The following CD59 variants were observed in gnomAD, a reference collection of about 807,000 sequenced individuals.
The protein encoded by CD59 is CD59 glycoprotein.
CD59 carries 3 observed loss-of-function variants against 7.0 expected under a neutral mutation model. That is an observed-to-expected ratio of 0.43 (90% CI 0.19 to 1.10). CD59 has a LOEUF of 1.10. Among genes scored for constraint, CD59 ranks in the 50% least tolerant of loss-of-function variants. The pLI, the probability that CD59 is intolerant of heterozygous loss-of-function variation, is 0.29. For synonymous variants in CD59, 60 were observed against 62.0 expected (o/e 0.97, Z 0.15); for missense variants, 143 against 151.0 (o/e 0.95, Z 0.28).
At chr11:33,729,797 T>A (rs1171749471) in intron 1 of CD59, among the ~76,000 whole-genome samples, 2 of 152,070 alleles carry the variant, frequency 1.3e-5, no homozygotes, top group South Asian at 2.1e-4. Context: ...TGAGTCTATT[T>A]CCACTATTTT....
intron 2 of CD59, chr11:33,717,784 C>T (rs937043876): frequency 2.5e-5 from 9 of 357,616 alleles, no homozygotes; most frequent in East Asian, 6.9e-5. Flanking sequence ...AAGAAATTAC[C>T]GAGAAACAAA....
intron 1 of CD59, among the ~76,000 whole-genome samples, chr11:33,732,976 G>A (rs1256753386): frequency 5.9e-5 from 9 of 152,154 alleles, no homozygotes; most frequent in Admixed American, 5.9e-4. Context: ...ACTCATGACC[G>A]ACAACAGAAA....
At chr11:33,728,984 T>C (rs1381490191) in intron 1 of CD59, among the ~76,000 whole-genome samples, 1 of 152,200 alleles carries the variant, frequency 6.6e-6, no homozygotes, top group Non-Finnish European at 1.5e-5. Context: ...TCACACCAGT[T>C]AGAATGGCGA....
rs868531847 is a variant in CD59 at position 33,722,623 on chromosome 11, C to T, written c.-18-160G>A. On this transcript the variant is annotated intron_variant, in intron 1 of 3. Transcript: ENST00000642928. ...TGGGCCATGCCCCAGCTCTGACCCA[C>T]AGCACCATATACCCTTGAGTAGGCT... The T allele has an allele frequency of 1.4e-5, 21 of 1,498,596 alleles. No individual in the cohort carries two copies. The Middle Eastern group carries it at 2.9e-3, about 206-fold the overall frequency. 92.8% of individuals were successfully genotyped at this position (1,498,596 alleles called of 1,614,324 possible).
intron 1 of CD59, among the ~76,000 whole-genome samples, chr11:33,729,962 A>T (rs1303962060): frequency 6.6e-6 from 1 of 152,144 alleles, no homozygotes; most frequent in South Asian, 2.1e-4. Context: ...CTGAAAATAT[A>T]TTGGAAAATA....
intron 1 of CD59, among the ~76,000 whole-genome samples, chr11:33,725,068 A>G (rs1022128034): frequency 6.6e-6 from 1 of 152,146 alleles, no homozygotes; most frequent in Admixed American, 6.5e-5. Flanking sequence ...GATGGTAACT[A>G]ACACTAAGCA....
chr11:33,712,599 A>G (rs184382526), intron 3 of CD59, among the ~76,000 whole-genome samples: 2 of 152,368 alleles, frequency 1.3e-5, no homozygotes, highest in East Asian at 3.8e-4. Flanking sequence ...ATGAAGACAG[A>G]AAGTACATCA....
intron 3 of CD59, among the ~76,000 whole-genome samples, chr11:33,716,350 G>T (rs1007165411): frequency 6.6e-6 from 1 of 152,136 alleles, no homozygotes. Flanking sequence ...GGTGTCCCAA[G>T]GCTTTTCTGA....
chr11:33,716,428 G>C (rs1853793818), intron 3 of CD59, among the ~76,000 whole-genome samples: 1 of 152,142 alleles, frequency 6.6e-6, no homozygotes, highest in African/African-American at 2.4e-5. Context: ...AGGTCTAAGA[G>C]TACAAATAAC....
At chr11:33,717,110 C>G (rs1413973313) in intron 3 of CD59, among the ~76,000 whole-genome samples, 1 of 152,212 alleles carries the variant, frequency 6.6e-6, no homozygotes. Flanking sequence ...ATTCCTGAGT[C>G]GGTTACTTAA....
In CD59 at chr11:33,717,330, A is replaced by AC. The variant is rs767586369; in HGVS notation, c.169+39dup. 3.8e-6 allele frequency: 5 copies of AC among 1,313,538 alleles called. No individual in the cohort carries two copies. In the African/African-American group the frequency reaches 7.3e-5, roughly 19 times the overall value. The allele number at this position is 1,313,538 out of a possible 1,614,324, so 81.4% of individuals were successfully genotyped here. A position where few individuals can be genotyped will look rare whatever the true frequency, so the allele number is the denominator to read the frequency against. Reference sequence around the variant, plus strand: ...ACAATTTTTTTCCCAGGCACTTATTACCCCATTACATTTAGGAGACAGACA... The same window carrying AC: ...ACAATTTTTTTCCCAGGCACTTATTACCCCCATTACATTTAGGAGACAGACA... On this transcript the variant is annotated intron_variant, in intron 3 of 3. Transcript: ENST00000642928.
intron 3 of CD59, among the ~76,000 whole-genome samples, chr11:33,711,056 G>T (rs936268472): frequency 6.7e-6 from 1 of 150,328 alleles, no homozygotes; most frequent in Non-Finnish European, 1.5e-5. Flanking sequence ...TAAAGGTGGG[G>T]GGGGGGCAGA....
intron 1 of CD59, among the ~76,000 whole-genome samples, chr11:33,726,983 G>A (rs529895976): frequency 1.3e-5 from 2 of 152,264 alleles, no homozygotes; most frequent in Admixed American, 6.5e-5. Context: ...GGAAGAAGTC[G>A]AATCTCTGAA....
rs1853327536 is a variant in CD59 at position 33,706,775 on chromosome 11, A to G, written c.*3351T>C. On this transcript the variant is annotated 3_prime_UTR_variant, in exon 4 of 4. Transcript: ENST00000642928. Reference sequence around the variant, plus strand: ...AACTACGTCCTGTTCACCTCATGCTATTGGGTAACTTTCCAGTAAAAAACA... The same window carrying G: ...AACTACGTCCTGTTCACCTCATGCTGTTGGGTAACTTTCCAGTAAAAAACA... The G allele has an allele frequency of 6.6e-6, 1 of 152,204 alleles. No individual in the cohort carries two copies. The highest frequency in any genetic ancestry group is 1.5e-5 in the Non-Finnish European group (1 of 68,032). 9.4% of individuals were successfully genotyped at this position (152,204 alleles called of 1,614,324 possible).
At chr11:33,727,939 A>C (rs1206510797) in intron 1 of CD59, among the ~76,000 whole-genome samples, 1 of 152,188 alleles carries the variant, frequency 6.6e-6, no homozygotes, top group Non-Finnish European at 1.5e-5. Flanking sequence ...AAAAGAATAA[A>C]ATACCTAGGA....
In CD59 at chr11:33,703,710, G is replaced by A. The variant is rs949698780; in HGVS notation, c.*6416C>T. On this transcript the variant is annotated 3_prime_UTR_variant, in exon 4 of 4. Coordinates refer to ENST00000642928, the MANE Select transcript of CD59 (RefSeq NM_000611.6). ...CAGGCAGAGAGCCTTTACTGTCATA[G>A]TGAAGAGCTTGCCAAGGACAGGACT... 1.3e-5 allele frequency: 2 copies of A among 152,172 alleles called. No individual in the cohort carries two copies. The highest frequency in any genetic ancestry group is 2.9e-5 in the Non-Finnish European group (2 of 68,044). The allele number at this position is 152,172 out of a possible 1,614,324, so 9.4% of individuals were successfully genotyped here.
At position 33,703,302 on chromosome 11, in the gene CD59, G is replaced by C. The variant is rs1029635562; in HGVS notation, c.*6824C>G. ...CTGTCAGGAGGCAAAGTCCCTATGA[G>C]GTAATAATAAACCCACGAGGTTAAG... is the stretch of plus-strand genomic sequence containing the variant. On this transcript the variant is annotated 3_prime_UTR_variant, in exon 4 of 4. Transcript: ENST00000642928. 1 of 152,298 alleles carries C rather than the reference G, an allele frequency of 6.6e-6. No individual in the cohort carries two copies. Among genetic ancestry groups the C allele is most frequent in the African/African-American group, 2.4e-5 (1 of 41,550 alleles). The allele number at this position is 152,298 out of a possible 1,614,324, so 9.4% of individuals were successfully genotyped here.
rs1321365372 is a variant in CD59, at chr11:33,707,501, C to T, written c.*2625G>A. On this transcript the variant is annotated 3_prime_UTR_variant, in exon 4 of 4. Transcript: ENST00000642928. Reference sequence around the variant, plus strand: ...TACTCATCAGGTGTTCCTTGCACCCCTAGCTCATCCCCCCAAGGGGACAAT... The same window carrying T: ...TACTCATCAGGTGTTCCTTGCACCCTTAGCTCATCCCCCCAAGGGGACAAT... The T allele has an allele frequency of 6.6e-6, 1 of 152,288 alleles. No homozygotes were observed. The highest frequency in any genetic ancestry group is 2.4e-5 in the African/African-American group (1 of 41,474). 9.4% of individuals were successfully genotyped at this position (152,288 alleles called of 1,614,324 possible). A position where few individuals can be genotyped will look rare whatever the true frequency, so the allele number is the denominator to read the frequency against.
rs186551667 is a variant in CD59, at chr11:33,703,598, G to C, written c.*6528C>G. On this transcript the variant is annotated 3_prime_UTR_variant, in exon 4 of 4. Coordinates refer to ENST00000642928, the MANE Select transcript of CD59 (RefSeq NM_000611.6). ...AGTTGAAAGATGTAGCTGTCGGCCT[G>C]GTAGCCAGGTGGGCTTGCTAATCCT... The C allele has an allele frequency of 1.3e-5, 2 of 152,364 alleles. No homozygotes were observed. Among genetic ancestry groups the C allele is most frequent in the East Asian group, 3.9e-4 (2 of 5,194 alleles). 9.4% of individuals were successfully genotyped at this position (152,364 alleles called of 1,614,324 possible).
Sources: gnomAD v4.1 joint callset for allele counts (sites outside exome capture counted in the v4.1 genomes callset) on GRCh38, gnomAD v4.1.1 for gene constraint, MANE v1.5 for transcripts, NCBI Gene and HGNC (gene_info 2026-07-23, HGNC 2026-07-21) for gene names.